Variants in WDR27 observed in about 807,000 individuals in gnomAD.
WDR27 encodes the protein WD repeat-containing protein 27.
WDR27 carries 100 observed loss-of-function variants against 114.4 expected under a neutral mutation model. That is an observed-to-expected ratio of 0.87 (90% CI 0.74 to 1.03). The LOEUF (loss-of-function observed/expected upper bound fraction) is 1.03. Among genes scored for constraint, WDR27 ranks in the 50% least tolerant of loss-of-function variants. The pLI, the probability that WDR27 is intolerant of heterozygous loss-of-function variation, is 0.00. For synonymous variants in WDR27, 449 were observed against 423.1 expected, an observed-to-expected ratio of 1.06 and a Z score of -0.75; for missense variants, 1,129 against 1,092.9, an observed-to-expected ratio of 1.03 and a Z score of -0.47.
chr6:169,540,427 G>T (rs569279919), intron 25 of WDR27, among the ~76,000 whole-genome samples: 99 of 128,798 alleles, frequency 7.7e-4, no homozygotes, highest in Non-Finnish European at 1.3e-3. Context: ...TTATTGAATA[G>T]AATCTTTTTT....
chr6:169,552,021 C>CAG (rs1217320058), intron 25 of WDR27, among the ~76,000 whole-genome samples: 1 of 152,190 alleles, frequency 6.6e-6, no homozygotes, highest in Non-Finnish European at 1.5e-5. Context: ...CCGTCCCACG[C>CAG]AGAGAAGCCG....
rs750984135 is a variant in WDR27, at chr6:169,638,618, C to T, written c.1790G>A (p.Arg597Gln). Residue 597 changes from arginine (R) to glutamine (Q), a missense_variant, in exon 18 of 26, where the codon CGG becomes CAG. Coordinates refer to ENST00000448612, the MANE Select transcript of WDR27 (RefSeq NM_182552.5). Reference sequence around the variant, plus strand: ...CCGGGCCGCAGAGAGCAGCCACCTCCGGTCCTGGCTCCAGCACACGGCATT... The same window carrying T: ...CCGGGCCGCAGAGAGCAGCCACCTCTGGTCCTGGCTCCAGCACACGGCATT... ...AVNAVCWSQDRRWLLSAARDG... is the reference protein window; with the variant it reads ...AVNAVCWSQDQRWLLSAARDG... 23 of 1,607,514 alleles carry T rather than the reference C, an allele frequency of 1.4e-5. No homozygotes were observed. The highest frequency in any genetic ancestry group is 3.4e-5 in the Admixed American group (2 of 59,242).
chr6:169,560,749 T>C (rs1426200382), intron 25 of WDR27, among the ~76,000 whole-genome samples: 1 of 152,248 alleles, frequency 6.6e-6, no homozygotes, highest in Admixed American at 6.5e-5. Context: ...ACATAAACTA[T>C]TGTAAAAATG....
chr6:169,700,443 C>CT (rs1435330494), intron 1 of WDR27, among the ~76,000 whole-genome samples: 39 of 152,338 alleles, frequency 2.6e-4, no homozygotes, highest in African/African-American at 9.4e-4. Flanking sequence ...AGACACAGAA[C>CT]TAAACTACAC....
At chr6:169,434,269 G>A in the WDR27 span, among the ~76,000 whole-genome samples, 190 of 152,284 alleles carry the variant, frequency 1.2e-3, no homozygotes, top group Middle Eastern at 0.02. Flanking sequence ...TTTGTGTAAG[G>A]TGTAAGGAAG....
At chr6:169,540,887 C>T (rs1796758348) in intron 25 of WDR27, among the ~76,000 whole-genome samples, 1 of 152,152 alleles carries the variant, frequency 6.6e-6, no homozygotes, top group Non-Finnish European at 1.5e-5. Context: ...GGATTCTGTG[C>T]CTTCTCTGTT....
chr6:169,501,225 T>C (rs752530404), intron 25 of WDR27, among the ~76,000 whole-genome samples: 32 of 152,146 alleles, frequency 2.1e-4, no homozygotes, highest in Non-Finnish European at 4.0e-4. Context: ...ACGAACCCGA[T>C]CCACCTGCGG....
In WDR27 at chr6:169,607,273, A is replaced by G. The variant is rs374154191; in HGVS notation, c.2322-4952T>C. ...AAGAAAAAGAAGTCATGATTTCAAA[A>G]AGACACATGCACTCATATGTTTATT... On this transcript the variant is annotated intron_variant, in intron 22 of 25. Transcript: ENST00000448612. Among the ~76,000 whole-genome samples, 30 of 152,300 alleles carry G rather than the reference A, an allele frequency of 2.0e-4. No homozygotes were observed. The East Asian group carries it at 2.7e-3, about 14-fold the overall frequency.
chr6:169,516,156 C>T (rs1793603629), intron 25 of WDR27, among the ~76,000 whole-genome samples: 1 of 152,164 alleles, frequency 6.6e-6, no homozygotes, highest in South Asian at 2.1e-4. Context: ...TGAAAATTCA[C>T]CAAAGGGCTG....
At chr6:169,465,618 C>CA (rs1785482774) in intron 25 of WDR27, among the ~76,000 whole-genome samples, 1 of 152,154 alleles carries the variant, frequency 6.6e-6, no homozygotes, top group Non-Finnish European at 1.5e-5. Flanking sequence ...GCATTCTTAA[C>CA]AACAGCTAAA....
chr6:169,436,507 T>C, the WDR27 span, among the ~76,000 whole-genome samples: 2 of 152,126 alleles, frequency 1.3e-5, no homozygotes, highest in African/African-American at 4.8e-5. Context: ...CTTACTTAGA[T>C]GAACACCTGA....
intron 16 of WDR27, among the ~76,000 whole-genome samples, chr6:169,647,107 G>A (rs1820941844): frequency 6.6e-6 from 1 of 152,126 alleles, no homozygotes; most frequent in Admixed American, 6.5e-5. Context: ...TCAGGTGGTG[G>A]AACTACCCAG....
chr6:169,666,639 G>C, intron 6 of WDR27: 8 of 985,748 alleles, frequency 8.1e-6, no homozygotes, highest in Non-Finnish European at 9.6e-6. Context: ...CTGTGTGGCC[G>C]TGTGCCAGCT....
chr6:169,683,178 G>A (rs527387955), intron 2 of WDR27, among the ~76,000 whole-genome samples: 1 of 152,182 alleles, frequency 6.6e-6, no homozygotes, highest in African/African-American at 2.4e-5. Flanking sequence ...CAAACCTGGA[G>A]ATATAAATAT....
chr6:169,696,552 G>A (rs1585231513), intron 1 of WDR27, among the ~76,000 whole-genome samples: 1 of 152,326 alleles, frequency 6.6e-6, no homozygotes. Context: ...ACGGTCATAG[G>A]AGAAAGACAA....
chr6:169,461,610 T>G (rs1321122557), intron 25 of WDR27, among the ~76,000 whole-genome samples: 1 of 141,572 alleles, frequency 7.1e-6, no homozygotes, highest in African/African-American at 2.6e-5. Context: ...GCAAGAGCAA[T>G]GTTAAGGGGG....
intron 23 of WDR27, among the ~76,000 whole-genome samples, chr6:169,601,279 A>T (rs1807925061): frequency 1.3e-5 from 2 of 152,214 alleles, no homozygotes; most frequent in Non-Finnish European, 2.9e-5. Context: ...TTCTGTCACC[A>T]CCAGGTCTTG....
At position 169,632,189 on chromosome 6, in the gene WDR27, C is replaced by CAA. The variant is rs1012298678; in HGVS notation, c.2223+756_2223+757dup. Among the ~76,000 whole-genome samples the CAA allele has an allele frequency of 4.2e-3, 269 of 63,794 alleles. 2 individuals carry two copies. The highest frequency in any genetic ancestry group is 8.2e-3 in the Admixed American group (47 of 5,728). The allele number at this position is 63,794 out of a possible 152,430, so 41.9% of individuals were successfully genotyped here. A position where few individuals can be genotyped will look rare whatever the true frequency, so the allele number is the denominator to read the frequency against. On this transcript the variant is annotated intron_variant, in intron 21 of 25. Coordinates refer to ENST00000448612, the MANE Select transcript of WDR27 (RefSeq NM_182552.5). ...GGTGACAGAGCGAGAGACTCTGTCTCAAAAAAAAAAAAAAAAAAAAGAAGA... is the reference window on the plus strand; with the variant it reads ...GGTGACAGAGCGAGAGACTCTGTCTCAAAAAAAAAAAAAAAAAAAAAAGAAGA...
chr6:169,463,927 G>T (rs200650128), intron 25 of WDR27, among the ~76,000 whole-genome samples: 2 of 152,126 alleles, frequency 1.3e-5, no homozygotes, highest in East Asian at 3.9e-4. Flanking sequence ...TTCATAAATT[G>T]GAATACTTAA....
Sources: gnomAD v4.1 joint callset for allele counts (sites outside exome capture counted in the v4.1 genomes callset) on GRCh38, gnomAD v4.1.1 for gene constraint, MANE v1.5 for transcripts, NCBI Gene and HGNC (gene_info 2026-07-23, HGNC 2026-07-21) for gene names.